Variants in LPCAT1 observed in about 807,000 individuals in gnomAD.
LPCAT1 encodes the protein lysophosphatidylcholine acyltransferase 1.
LPCAT1 carries 23 observed loss-of-function variants against 60.9 expected under a neutral mutation model. The observed-to-expected ratio is 0.38, with a 90% CI of 0.27 to 0.53. LPCAT1 has a LOEUF of 0.53. LPCAT1 is among the 20% of genes least tolerant of loss of function. LPCAT1 has a pLI of 0.82. For synonymous variants in LPCAT1, 340 were observed against 301.1 expected, an observed-to-expected ratio of 1.13 and a Z score of -1.34; for missense variants, 622 against 723.6, an observed-to-expected ratio of 0.86 and a Z score of 1.61.
chr5:1,473,494 G>A (rs1022422725), intron 11 of LPCAT1, among the ~76,000 whole-genome samples: 2 of 152,254 alleles, frequency 1.3e-5, no homozygotes, highest in African/African-American at 4.8e-5. Context: ...GGGATGACGT[G>A]CGGAGGGCAG....
At chr5:1,463,999 C>T (rs529791119) in intron 13 of LPCAT1, among the ~76,000 whole-genome samples, 164 bp from the exon 14 acceptor site, 25 of 152,200 alleles carry the variant, frequency 1.6e-4, no homozygotes, top group African/African-American at 2.4e-5. Context: ...GAAGAACTTG[C>T]GCTTACTTTC....
chr5:1,514,519 G>A (rs960753648), intron 1 of LPCAT1, among the ~76,000 whole-genome samples: 4 of 152,280 alleles, frequency 2.6e-5, no homozygotes, highest in Middle Eastern at 3.4e-3. Context: ...AAGTCCACAC[G>A]GGGCCCACAG....
intron 11 of LPCAT1, among the ~76,000 whole-genome samples, chr5:1,472,915 G>A (rs1040446760): frequency 2.6e-5 from 4 of 152,144 alleles, no homozygotes; most frequent in African/African-American, 9.7e-5. Flanking sequence ...CCTGAGCCAC[G>A]CACTGTGATC....
intron 9 of LPCAT1, among the ~76,000 whole-genome samples, chr5:1,475,910 C>T (rs889795010): frequency 6.6e-6 from 1 of 151,676 alleles, no homozygotes; most frequent in African/African-American, 2.4e-5. Context: ...CCCAGGAGTC[C>T]GAGGCTGCTT....
chr5:1,508,854 C>T (rs369517023), intron 1 of LPCAT1, among the ~76,000 whole-genome samples: 2 of 152,344 alleles, frequency 1.3e-5, no homozygotes, highest in South Asian at 2.1e-4. Flanking sequence ...ACCCCTCCCT[C>T]GTCTCTGCCA....
In LPCAT1 at chr5:1,521,572, T is replaced by C; in HGVS notation, c.135+2138A>G. Reference sequence around the variant, plus strand: ...TTTCTGCAGAGAACTTTGAGAACGTTTACAAACTAAACCCTTGAGCCACAC... The same window carrying C: ...TTTCTGCAGAGAACTTTGAGAACGTCTACAAACTAAACCCTTGAGCCACAC... On this transcript the variant is annotated intron_variant, in intron 1 of 13. Coordinates refer to ENST00000283415, the MANE Select transcript of LPCAT1 (RefSeq NM_024830.5). The surrounding 1 kb of genome is among the most constrained non-coding windows in gnomAD (Gnocchi z 4.3). The C allele has an allele frequency of 2.7e-6, 2 of 736,062 alleles. No homozygotes were observed. Among genetic ancestry groups the C allele is most frequent in the African/African-American group, 3.8e-5 (2 of 52,146 alleles). The allele number at this position is 736,062 out of a possible 1,614,324, so 45.6% of individuals were successfully genotyped here. A position where few individuals can be genotyped will look rare whatever the true frequency, so the allele number is the denominator to read the frequency against.
intron 1 of LPCAT1, among the ~76,000 whole-genome samples, chr5:1,520,191 G>A (rs538276708): frequency 2.2e-4 from 33 of 152,380 alleles, no homozygotes; most frequent in African/African-American, 7.2e-4. Context: ...GCAGGCACAC[G>A]AATTCCTGTT....
At position 1,480,825 on chromosome 5, in the gene LPCAT1, T is replaced by C; in HGVS notation, c.761+117A>G. 8.1e-7 allele frequency: 1 copy of C among 1,234,844 alleles called. No homozygotes were observed. Among genetic ancestry groups the C allele is most frequent in the Non-Finnish European group, 1.2e-6 (1 of 836,348 alleles). 76.5% of individuals were successfully genotyped at this position (1,234,844 alleles called of 1,614,324 possible). A position where few individuals can be genotyped will look rare whatever the true frequency, so the allele number is the denominator to read the frequency against. On this transcript the variant is annotated intron_variant, in intron 7 of 13. Transcript: ENST00000283415. The surrounding 1 kb of genome is among the most constrained non-coding windows in gnomAD (Gnocchi z 6.4). ...TTCACAATGGGCTGAACCTAACGGC[T>C]GTCCCACACCTGCTTTCACAACTGC...
chr5:1,507,140 C>T (rs1293965625), intron 1 of LPCAT1, among the ~76,000 whole-genome samples: 2 of 152,262 alleles, frequency 1.3e-5, no homozygotes, highest in Admixed American at 6.5e-5. Flanking sequence ...ACACGGACCA[C>T]GCTCCTGGTC....
At position 1,481,224 on chromosome 5, in the gene LPCAT1, A is replaced by T. The variant is rs111454557; in HGVS notation, c.727-248T>A. Among the ~76,000 whole-genome samples the T allele has an allele frequency of 6.6e-6, 1 of 151,880 alleles. No individual in the cohort carries two copies. Among genetic ancestry groups the T allele is most frequent in the African/African-American group, 2.4e-5 (1 of 41,244 alleles). On this transcript the variant is annotated intron_variant, in intron 6 of 13. Transcript: ENST00000283415. The surrounding 1 kb of genome is among the most constrained non-coding windows in gnomAD (Gnocchi z 7.8). ...GAGAACCACCACCTTACAGGTCCCC[A>T]GAGTTCCCCCAAGATCCCCAGAGTC...
At chr5:1,499,255 C>T (rs10475030) in intron 2 of LPCAT1, among the ~76,000 whole-genome samples, 33,764 of 152,178 alleles carry the variant, frequency 0.22, 5,731 homozygotes, top group African/African-American at 0.48. Flanking sequence ...TGTGCTCGCA[C>T]GGGGCTCCTG....
intron 1 of LPCAT1, among the ~76,000 whole-genome samples, chr5:1,516,008 A>C (rs1736496575): frequency 6.6e-6 from 1 of 152,246 alleles, no homozygotes; most frequent in Non-Finnish European, 1.5e-5. Flanking sequence ...GGCCCTGGCA[A>C]GTATGTCCAC....
chr5:1,480,970 T>C lies in LPCAT1; in HGVS notation c.733A>G (p.Ile245Val), dbSNP rs1193508180. The C allele has an allele frequency of 1.1e-5, 17 of 1,613,664 alleles. No homozygotes were observed. Among genetic ancestry groups the C allele is most frequent in the Non-Finnish European group, 1.4e-5 (17 of 1,180,000 alleles). ...CCAGGTCCTTGCCACGTCCATGTGA[T>C]GGTGTCCTGGGGAGGAAGAGGCAGG... ...VLRYPNKLDT[I>V]TWTWQGPGAL... The change falls in exon 7 of 14, where the codon ATC becomes GTC. Residue 245 changes from isoleucine (I) to valine (V), a missense_variant. Ile to Val is a conservative substitution (Grantham distance 29, BLOSUM62 3). Coordinates refer to ENST00000283415, the MANE Select transcript of LPCAT1 (RefSeq NM_024830.5). The surrounding 1 kb of genome is among the most constrained non-coding windows in gnomAD (Gnocchi z 6.4).
intron 1 of LPCAT1, among the ~76,000 whole-genome samples, chr5:1,503,589 TTAAG>T (rs747832447): frequency 1.3e-5 from 2 of 152,234 alleles, no homozygotes; most frequent in East Asian, 1.9e-4. Flanking sequence ...TCACCAGCTG[TTAAG>T]TAAGACGCGC....
intron 11 of LPCAT1, 94 bp from the exon 12 acceptor site, chr5:1,471,018 C>T: frequency 1.1e-6 from 1 of 922,662 alleles, no homozygotes. Context: ...AATTAAAGGC[C>T]AGTCCCACTC....
In LPCAT1 at chr5:1,477,491, G is replaced by T; in HGVS notation, c.817-5C>A. ...AGGGCTGTACACAGGAAGGAACTGA[G>T]CACACAGAGAAGCTGCGTTAGTATC... On this transcript the variant is annotated splice_region_variant and splice_polypyrimidine_tract_variant and intron_variant, in intron 8 of 13. Coordinates refer to ENST00000283415, the MANE Select transcript of LPCAT1 (RefSeq NM_024830.5). This position sits in a 1 kb window ranked among gnomAD's most constrained non-coding sequence, Gnocchi z 6.0. 6.2e-7 allele frequency: 1 copy of T among 1,610,008 alleles called. No individual in the cohort carries two copies. Among genetic ancestry groups the T allele is most frequent in the Non-Finnish European group, 8.5e-7 (1 of 1,177,124 alleles).
chr5:1,465,078 AACAC>A (rs148013461), intron 13 of LPCAT1, among the ~76,000 whole-genome samples: 31 of 145,704 alleles, frequency 2.1e-4, no homozygotes, highest in Non-Finnish European at 3.3e-4. Flanking sequence ...CACACACGGT[AACAC>A]ACATGCGCAT....
chr5:1,488,292 A>G, intron 5 of LPCAT1, 99 bp downstream of exon 5: 7 of 731,262 alleles, frequency 9.6e-6, no homozygotes, highest in Non-Finnish European at 1.6e-5. Context: ...GGATAAAAAC[A>G]GAAACTGTTC....
At chr5:1,515,062 C>T (rs1181580273) in intron 1 of LPCAT1, among the ~76,000 whole-genome samples, 1 of 152,136 alleles carries the variant, frequency 6.6e-6, no homozygotes, top group East Asian at 1.9e-4. Flanking sequence ...GTGGTGGGAG[C>T]CCCACCCCCA....
Sources: gnomAD v4.1 joint callset for allele counts (sites outside exome capture counted in the v4.1 genomes callset) on GRCh38, gnomAD v4.1.1 for gene constraint, Gnocchi (gnomAD v3.1) non-coding constraint, MANE v1.5 for transcripts, NCBI Gene and HGNC (gene_info 2026-07-23, HGNC 2026-07-21) for gene names.